CSTPP1: variants seen among roughly 807,000 people sequenced by gnomAD.
CSTPP1 encodes the protein centriolar satellite-associated tubulin polyglutamylase complex regulator 1, also known as UPF0705 protein C11orf49.
the CSTPP1 span, among the ~76,000 whole-genome samples, chr11:47,061,223 T>G: frequency 6.6e-6 from 1 of 152,222 alleles, no homozygotes; most frequent in Non-Finnish European, 1.5e-5. Context: ...ACAGAAATTT[T>G]TATTCTTGTC....
chr11:47,147,493 C>T, the CSTPP1 span, among the ~76,000 whole-genome samples: 1 of 152,138 alleles, frequency 6.6e-6, no homozygotes, highest in African/African-American at 2.4e-5. Flanking sequence ...TCTCAGGCTT[C>T]TTGGGAAGTT....
the CSTPP1 span, among the ~76,000 whole-genome samples, chr11:47,038,931 A>G: frequency 8.8e-6 from 1 of 113,432 alleles, no homozygotes; most frequent in African/African-American, 2.7e-5. Flanking sequence ...TGCTCCCCAC[A>G]TCTCAGAGGA....
chr11:46,969,189 G>GT, the CSTPP1 span, among the ~76,000 whole-genome samples: 27 of 151,880 alleles, frequency 1.8e-4, no homozygotes, highest in African/African-American at 5.6e-4. Context: ...ATACAGTGGG[G>GT]TTTTTTTTCT....
the CSTPP1 span, among the ~76,000 whole-genome samples, chr11:47,046,282 G>GAA: frequency 1.1e-4 from 6 of 55,904 alleles, no homozygotes; most frequent in Admixed American, 1.9e-4. Flanking sequence ...TCCACCAAAA[G>GAA]AAAAAAAAAA....
chr11:46,973,541 A>T, the CSTPP1 span, among the ~76,000 whole-genome samples: 1 of 152,156 alleles, frequency 6.6e-6, no homozygotes, highest in Admixed American at 6.5e-5. Context: ...CTCACCATAG[A>T]ATCCATTCTT....
the CSTPP1 span, among the ~76,000 whole-genome samples, chr11:47,046,630 A>ATTTTC: frequency 6.4e-5 from 8 of 124,352 alleles, no homozygotes; most frequent in African/African-American, 1.8e-4. Flanking sequence ...ATTCAACACA[A>ATTTTC]TTTTCTTTTC....
At chr11:47,129,856 T>C in the CSTPP1 span, among the ~76,000 whole-genome samples, 1 of 152,200 alleles carries the variant, frequency 6.6e-6, no homozygotes, top group African/African-American at 2.4e-5. Context: ...GCCATAAAAT[T>C]GTTACTGTGT....
the CSTPP1 span, among the ~76,000 whole-genome samples, chr11:46,956,073 T>C: frequency 1.3e-5 from 2 of 150,766 alleles, no homozygotes; most frequent in Non-Finnish European, 3.0e-5. Context: ...TTTTCCTAGC[T>C]TCAGGATTTT....
At chr11:46,974,572 G>A in the CSTPP1 span, among the ~76,000 whole-genome samples, 1 of 151,482 alleles carries the variant, frequency 6.6e-6, no homozygotes. Flanking sequence ...CAGGCATGGT[G>A]ACTAACACCT....
At chr11:47,094,293 G>A in the CSTPP1 span, among the ~76,000 whole-genome samples, 1 of 152,182 alleles carries the variant, frequency 6.6e-6, no homozygotes, top group Admixed American at 6.5e-5. Flanking sequence ...AGGATAGGAT[G>A]GTGGTTTCCA....
the CSTPP1 span, chr11:47,155,452 C>T: frequency 6.3e-5 from 39 of 617,190 alleles, no homozygotes; most frequent in Middle Eastern, 4.4e-4. Context: ...TCTGCAGAGC[C>T]GACTTCCTCA....
the CSTPP1 span, among the ~76,000 whole-genome samples, chr11:46,941,528 CAG>C: frequency 1.3e-5 from 2 of 151,982 alleles, no homozygotes; most frequent in South Asian, 4.2e-4. Flanking sequence ...TTAGTAGAGA[CAG>C]AGTTTCACCA....
chr11:47,066,270 C>T, the CSTPP1 span, among the ~76,000 whole-genome samples: 4 of 151,418 alleles, frequency 2.6e-5, no homozygotes, highest in Non-Finnish European at 5.9e-5. Context: ...TGCATTATAA[C>T]ATTGATGAGG....
At chr11:47,056,109 G>A in the CSTPP1 span, among the ~76,000 whole-genome samples, 1 of 152,152 alleles carries the variant, frequency 6.6e-6, no homozygotes, top group African/African-American at 2.4e-5. Context: ...CAAAATCCAC[G>A]CATAATCAAG....
the CSTPP1 span, among the ~76,000 whole-genome samples, chr11:47,030,799 T>C: frequency 6.6e-6 from 1 of 152,194 alleles, no homozygotes; most frequent in Non-Finnish European, 1.5e-5. Flanking sequence ...TGCATTAGTT[T>C]GCTAAGGATA....
At chr11:47,029,528 G>A in the CSTPP1 span, among the ~76,000 whole-genome samples, 2 of 151,728 alleles carry the variant, frequency 1.3e-5, no homozygotes, top group East Asian at 3.9e-4. Flanking sequence ...AGAATCTCTT[G>A]AACCTGAGAG....
the CSTPP1 span, chr11:47,156,976 C>A: frequency 6.3e-7 from 1 of 1,598,940 alleles, no homozygotes. Context: ...AACATGTCCT[C>A]CCTGCCTGAG....
At chr11:47,139,576 A>G in the CSTPP1 span, among the ~76,000 whole-genome samples, 1 of 151,822 alleles carries the variant, frequency 6.6e-6, no homozygotes, top group Non-Finnish European at 1.5e-5. Context: ...TGGGAGGCTG[A>G]GGCAGGAGAA....
At chr11:47,125,335 G>A in the CSTPP1 span, among the ~76,000 whole-genome samples, 1 of 152,126 alleles carries the variant, frequency 6.6e-6, no homozygotes, top group Non-Finnish European at 1.5e-5. Context: ...AAAACAGGCT[G>A]TGGTCTTCAT....
Sources: allele counts gnomAD v4.1 joint callset (sites outside exome capture counted in the v4.1 genomes callset), GRCh38; gene constraint gnomAD v4.1.1; transcripts MANE v1.5; gene names NCBI Gene and HGNC (gene_info 2026-07-23, HGNC 2026-07-21).